Variants in CTNND2 observed in about 807,000 individuals in gnomAD.
The protein encoded by CTNND2 is catenin delta-2.
CTNND2 carries 22 observed loss-of-function variants against 144.4 expected under a neutral mutation model. That is an observed-to-expected ratio of 0.15 (90% CI 0.11 to 0.22). The LOEUF (loss-of-function observed/expected upper bound fraction) is 0.22. Among genes scored for constraint, CTNND2 ranks in the 10% least tolerant of loss-of-function variants. The pLI, the probability that CTNND2 is intolerant of heterozygous loss-of-function variation, is 1.00. For synonymous variants in CTNND2, 751 were observed against 695.6 expected (o/e 1.08, Z -1.25); for missense variants, 1,353 against 1,618.8 (o/e 0.84, Z 2.82).
At chr5:11,560,047 C>A (rs1053177532) in intron 3 of CTNND2, among the ~76,000 whole-genome samples, 6 of 152,132 alleles carry the variant, frequency 3.9e-5, no homozygotes, top group Admixed American at 3.9e-4. Context: ...ATTCTTCCTG[C>A]CTTGCTCTGC....
chr5:11,865,227 T>C (rs1409912367), intron 1 of CTNND2, among the ~76,000 whole-genome samples: 3 of 152,264 alleles, frequency 2.0e-5, no homozygotes, highest in Middle Eastern at 3.4e-3. Context: ...AATGGGCTGA[T>C]TTAAGAATAT....
intron 15 of CTNND2, among the ~76,000 whole-genome samples, chr5:11,097,130 T>C (rs1237953482): frequency 6.6e-6 from 1 of 152,208 alleles, no homozygotes; most frequent in African/African-American, 2.4e-5. Context: ...TGATATGCTG[T>C]AGTTTGCCCA....
At chr5:11,376,079 C>A (rs1033380793) in intron 7 of CTNND2, among the ~76,000 whole-genome samples, 9 of 151,958 alleles carry the variant, frequency 5.9e-5, no homozygotes, top group African/African-American at 2.2e-4. Context: ...AAGGGGCCAT[C>A]GATGAGCCGA....
At chr5:11,625,420 T>TCTCG (rs1158083717) in intron 2 of CTNND2, among the ~76,000 whole-genome samples, 17 of 151,276 alleles carry the variant, frequency 1.1e-4, no homozygotes, top group African/African-American at 3.9e-4. Flanking sequence ...TCTCTCTCTC[T>TCTCG]CTCGCTCTCT....
intron 9 of CTNND2, among the ~76,000 whole-genome samples, chr5:11,267,895 C>G (rs1745617536): frequency 6.6e-6 from 1 of 152,108 alleles, no homozygotes; most frequent in African/African-American, 2.4e-5. Context: ...GTATGATGCA[C>G]AAGAAGATGG....
intron 2 of CTNND2, among the ~76,000 whole-genome samples, chr5:11,711,364 C>T (rs534217934): frequency 1.9e-4 from 29 of 152,178 alleles, no homozygotes; most frequent in African/African-American, 5.5e-4. Context: ...GCCGACTGGC[C>T]TAATTTGATA....
intron 3 of CTNND2, among the ~76,000 whole-genome samples, chr5:11,523,565 A>G: frequency 6.6e-6 from 1 of 152,314 alleles, no homozygotes; most frequent in African/African-American, 2.4e-5. Context: ...ACAGAGTACT[A>G]GAGGCTGGAG....
chr5:11,094,656 T>C (rs1751148978), intron 15 of CTNND2, among the ~76,000 whole-genome samples: 1 of 152,122 alleles, frequency 6.6e-6, no homozygotes, highest in Non-Finnish European at 1.5e-5. Context: ...ATTTTTGTAT[T>C]TTTAATAGAG....
intron 2 of CTNND2, among the ~76,000 whole-genome samples, chr5:11,707,063 G>A (rs1389597000): frequency 6.7e-6 from 1 of 149,962 alleles, no homozygotes; most frequent in African/African-American, 2.5e-5. Context: ...TCCAGCCTGG[G>A]AGACAGAGCA....
At chr5:11,005,664 T>A (rs1740410712) in intron 18 of CTNND2, among the ~76,000 whole-genome samples, 1 of 152,224 alleles carries the variant, frequency 6.6e-6, no homozygotes, top group African/African-American at 2.4e-5. Flanking sequence ...TGCTATTTAC[T>A]GAGATGGGCA....
chr5:11,359,039 T>C (rs527760255), intron 8 of CTNND2, among the ~76,000 whole-genome samples: 40 of 152,310 alleles, frequency 2.6e-4, no homozygotes, highest in African/African-American at 8.9e-4. Context: ...GAGTCAAGTG[T>C]TTGTGTTGGT....
chr5:11,298,550 CT>C (rs1278498749), intron 9 of CTNND2, among the ~76,000 whole-genome samples: 1 of 152,200 alleles, frequency 6.6e-6, no homozygotes, highest in Non-Finnish European at 1.5e-5. Flanking sequence ...CTCCCAAACC[CT>C]TTCTATTTTG....
intron 9 of CTNND2, among the ~76,000 whole-genome samples, chr5:11,342,390 GA>G (rs1257715915): frequency 1.3e-5 from 2 of 152,188 alleles, no homozygotes; most frequent in African/African-American, 4.8e-5. Flanking sequence ...AGAGCCGACT[GA>G]AAGTGCAGCT....
intron 2 of CTNND2, among the ~76,000 whole-genome samples, chr5:11,598,749 G>A (rs1779643936): frequency 6.6e-6 from 1 of 152,066 alleles, no homozygotes; most frequent in African/African-American, 2.4e-5. Context: ...ACAAACAACT[G>A]TAAGTATAAA....
chr5:11,796,643 G>A (rs1208377480), intron 1 of CTNND2, among the ~76,000 whole-genome samples: 1 of 152,128 alleles, frequency 6.6e-6, no homozygotes, highest in Non-Finnish European at 1.5e-5. Flanking sequence ...TTAAGGTAAT[G>A]AGCCCAATCT....
chr5:11,861,514 T>C (rs993568119), intron 1 of CTNND2, among the ~76,000 whole-genome samples: 19 of 152,214 alleles, frequency 1.2e-4, no homozygotes, highest in African/African-American at 4.1e-4. Context: ...AACCAGAAGA[T>C]GATCACCTCT....
chr5:11,710,920 T>C (rs1279299519), intron 2 of CTNND2, among the ~76,000 whole-genome samples: 3 of 152,184 alleles, frequency 2.0e-5, no homozygotes, highest in African/African-American at 4.8e-5. Context: ...AGTTTAAACA[T>C]AAGAAAAACA....
chr5:11,258,897 G>A (rs1369680681), intron 9 of CTNND2, among the ~76,000 whole-genome samples: 2 of 152,072 alleles, frequency 1.3e-5, no homozygotes, highest in African/African-American at 4.8e-5. Context: ...CAGCTAATTA[G>A]GAGATTCTTA....
chr5:11,160,524 A>C (rs1165647775), intron 11 of CTNND2, among the ~76,000 whole-genome samples: 3 of 152,240 alleles, frequency 2.0e-5, no homozygotes, highest in African/African-American at 7.2e-5. Flanking sequence ...AAAGGTCATA[A>C]ACATTGCATA....
Sources: allele counts gnomAD v4.1 joint callset (sites outside exome capture counted in the v4.1 genomes callset), GRCh38; gene constraint gnomAD v4.1.1; transcripts MANE v1.5; gene names NCBI Gene and HGNC (gene_info 2026-07-23, HGNC 2026-07-21).